Variants in FAT3 observed in about 807,000 individuals in gnomAD.
FAT3 encodes the protein protocadherin Fat 3.
A neutral mutation model predicts 310.2 loss-of-function variants in FAT3; 95 were observed. The ratio of observed to expected loss-of-function variants is 0.31; its 90% confidence interval spans 0.26 to 0.36. The LOEUF (loss-of-function observed/expected upper bound fraction) is 0.36. Among genes scored for constraint, FAT3 ranks in the 10% least tolerant of loss-of-function variants. FAT3 has a pLI of 1.00. For missense variants in FAT3, 5,408 were observed against 5,715.6 expected, an observed-to-expected ratio of 0.95 and a Z score of 1.74; for synonymous variants, 2,314 against 2,192.9, an observed-to-expected ratio of 1.06 and a Z score of -1.54.
In FAT3 at chr11:92,352,699, A is replaced by G. The variant is rs778188769; in HGVS notation, c.587A>G (p.Tyr196Cys). The change falls in exon 2 of 28, where the codon TAC becomes TGC. Residue 196 changes from tyrosine (Y) to cysteine (C), a missense_variant. This residue lies in a region of FAT3 where 4,588 missense variants were observed against 4,809.8 expected (regional missense o/e 0.95). Transcript: ENST00000525166. Reference protein sequence around the residue: ...DIGSNGEFYYYFKNKVDLFSV... With the variant: ...DIGSNGEFYYCFKNKVDLFSV... ...GGTTCCAATGGAGAATTCTACTACTACTTTAAAAATAAAGTTGATCTCTTT... is the reference window on the plus strand; with the variant it reads ...GGTTCCAATGGAGAATTCTACTACTGCTTTAAAAATAAAGTTGATCTCTTT... 6.2e-7 allele frequency: 1 copy of G among 1,613,734 alleles called. No individual in the cohort carries two copies. Among genetic ancestry groups the G allele is most frequent in the Non-Finnish European group, 8.5e-7 (1 of 1,179,874 alleles).
chr11:92,596,637 T>TCCAA (rs1939721687), intron 3 of FAT3, among the ~76,000 whole-genome samples: 1 of 152,176 alleles, frequency 6.6e-6, no homozygotes, highest in African/African-American at 2.4e-5. Context: ...CTCATTGTTA[T>TCCAA]CCAATTATAA....
chr11:92,679,197 T>A (rs954711105), intron 3 of FAT3, among the ~76,000 whole-genome samples: 6 of 152,230 alleles, frequency 3.9e-5, no homozygotes, highest in African/African-American at 1.4e-4. Flanking sequence ...CATTCGTCTG[T>A]TGATTCCTTA....
chr11:92,476,380 A>T (rs1261520083), intron 2 of FAT3, among the ~76,000 whole-genome samples: 1 of 152,202 alleles, frequency 6.6e-6, no homozygotes, highest in Non-Finnish European at 1.5e-5. Flanking sequence ...GGAAAATTAC[A>T]GCAAGTCAGG....
intron 1 of FAT3, among the ~76,000 whole-genome samples, chr11:92,275,519 C>T (rs1946246965): frequency 6.6e-6 from 1 of 151,972 alleles, no homozygotes; most frequent in Non-Finnish European, 1.5e-5. Context: ...TATGACACCC[C>T]TCCCCCAGCT....
chr11:92,478,856 TC>T (rs1952120655), intron 2 of FAT3, among the ~76,000 whole-genome samples: 1 of 152,090 alleles, frequency 6.6e-6, no homozygotes, highest in Non-Finnish European at 1.5e-5. Flanking sequence ...ACTCAAGTGA[TC>T]CACCCACCTT....
chr11:92,889,819 G>T (rs754693107), intron 26 of FAT3, 37 bp from the exon 27 acceptor site: 1 of 717,680 alleles, frequency 1.4e-6, no homozygotes, highest in South Asian at 1.5e-5. Flanking sequence ...ACATGGTTTG[G>T]ACTGTCAGTT....
chr11:92,306,050 GT>G (rs1033950907), intron 1 of FAT3, among the ~76,000 whole-genome samples: 3 of 151,634 alleles, frequency 2.0e-5, no homozygotes, highest in African/African-American at 7.3e-5. Flanking sequence ...TCAACTTTCA[GT>G]TTTTTTTGTA....
chr11:92,321,524 T>G (rs1378067326), intron 1 of FAT3, among the ~76,000 whole-genome samples: 1 of 152,128 alleles, frequency 6.6e-6, no homozygotes, highest in East Asian at 1.9e-4. Context: ...GTGGCATAAT[T>G]AAGATGATCT....
chr11:92,349,098 T>C (rs1948492540), intron 1 of FAT3, among the ~76,000 whole-genome samples: 1 of 152,142 alleles, frequency 6.6e-6, no homozygotes, highest in Admixed American at 6.5e-5. Flanking sequence ...CTGATGACCA[T>C]GGAGTCTAGA....
chr11:92,579,132 G>T (rs543549324), intron 3 of FAT3, among the ~76,000 whole-genome samples: 1 of 151,994 alleles, frequency 6.6e-6, no homozygotes, highest in Non-Finnish European at 1.5e-5. Flanking sequence ...ATCAGTGGTT[G>T]GTTCTTATTA....
chr11:92,430,782 T>C (rs1310237213), intron 2 of FAT3, among the ~76,000 whole-genome samples: 2 of 151,940 alleles, frequency 1.3e-5, no homozygotes, highest in Non-Finnish European at 2.9e-5. Flanking sequence ...GTCCTTGCAA[T>C]AGTTTGCTGA....
At chr11:92,253,257 TC>T (rs1865198707) in intron 1 of FAT3, among the ~76,000 whole-genome samples, 1 of 151,912 alleles carries the variant, frequency 6.6e-6, no homozygotes, top group Non-Finnish European at 1.5e-5. Flanking sequence ...TTCTCCCTTT[TC>T]CCTGTTTCTG....
chr11:92,235,876 T>C (rs1343779469), intron 1 of FAT3, among the ~76,000 whole-genome samples: 2 of 152,190 alleles, frequency 1.3e-5, no homozygotes, highest in African/African-American at 4.8e-5. Context: ...CGCCTTTCAG[T>C]AGCATCACTT....
At chr11:92,306,862 C>G (rs1236089291) in intron 1 of FAT3, among the ~76,000 whole-genome samples, 1 of 146,796 alleles carries the variant, frequency 6.8e-6, no homozygotes, top group Non-Finnish European at 1.5e-5. Context: ...GTGATCATAG[C>G]TCACTGCATT....
chr11:92,424,746 C>T (rs1196275010), intron 2 of FAT3, among the ~76,000 whole-genome samples: 2 of 152,122 alleles, frequency 1.3e-5, no homozygotes, highest in Admixed American at 6.6e-5. Context: ...ACCTGATGTT[C>T]ACCTCCTTAC....
chr11:92,541,622 G>A (rs1954450471), intron 3 of FAT3, among the ~76,000 whole-genome samples: 1 of 152,076 alleles, frequency 6.6e-6, no homozygotes, highest in Non-Finnish European at 1.5e-5. Flanking sequence ...CATTCTCAAA[G>A]TGCTTTGGGA....
At chr11:92,397,661 C>T (rs2134847244) in intron 2 of FAT3, among the ~76,000 whole-genome samples, 1 of 152,202 alleles carries the variant, frequency 6.6e-6, no homozygotes, top group South Asian at 2.1e-4. Flanking sequence ...AATTGTGCTG[C>T]TCTTTCCACT....
Position 92,353,545 on chromosome 11 carries a change from A to G in FAT3, c.1433A>G (p.Asp478Gly). The change falls in exon 2 of 28, where the codon GAT becomes GGT. Residue 478 changes from aspartate to glycine, a missense_variant. Physicochemically the swap from Asp to Gly is moderately conservative, Grantham distance 94. This residue lies in a region of FAT3 where 4,588 missense variants were observed against 4,809.8 expected (regional missense o/e 0.95). Coordinates refer to ENST00000525166, the MANE Select transcript of FAT3 (RefSeq NM_001367949.2). ...HTPEFQQPLY[D>G]AYVNESVPVG... Reference sequence around the variant, plus strand: ...CCAGAATTTCAGCAACCACTGTATGATGCTTATGTGAATGAAAGTGTCCCA... The same window carrying G: ...CCAGAATTTCAGCAACCACTGTATGGTGCTTATGTGAATGAAAGTGTCCCA... The G allele has an allele frequency of 6.2e-7, 1 of 1,613,808 alleles. No homozygotes were observed. Among genetic ancestry groups the G allele is most frequent in the Non-Finnish European group, 8.5e-7 (1 of 1,179,858 alleles).
chr11:92,444,100 A>G (rs1951150563), intron 2 of FAT3, among the ~76,000 whole-genome samples: 1 of 152,172 alleles, frequency 6.6e-6, no homozygotes, highest in South Asian at 2.1e-4. Context: ...CTTAATTCAT[A>G]TCTCTAAATG....
Sources: gnomAD v4.1 joint callset for allele counts (sites outside exome capture counted in the v4.1 genomes callset) on GRCh38, gnomAD v4.1.1 for gene constraint, gnomAD v4.1.1 regional missense constraint, MANE v1.5 for transcripts, NCBI Gene and HGNC (gene_info 2026-07-23, HGNC 2026-07-21) for gene names.